Variants in PPP4R1 observed in about 807,000 individuals in gnomAD.
The protein encoded by PPP4R1 is protein phosphatase 4 regulatory subunit 1, also known as serine/threonine-protein phosphatase 4 regulatory subunit 1.
A neutral mutation model predicts 111.2 loss-of-function variants in PPP4R1; 42 were observed. That is an observed-to-expected ratio of 0.38 (90% CI 0.29 to 0.49). PPP4R1 has a LOEUF of 0.49. Among genes scored for constraint, PPP4R1 ranks in the 20% least tolerant of loss-of-function variants. The pLI, the probability that PPP4R1 is intolerant of heterozygous loss-of-function variation, is 0.97. For missense variants in PPP4R1, 1,012 were observed against 1,161.6 expected (o/e 0.87, Z 1.87); for synonymous variants, 409 against 405.5 (o/e 1.01, Z -0.10).
chr18:9,556,030 A>C (rs550059949), intron 15 of PPP4R1, among the ~76,000 whole-genome samples: 9 of 150,722 alleles, frequency 6.0e-5, no homozygotes, highest in Non-Finnish European at 8.9e-5. Context: ...GCTTAGTGGC[A>C]CGCACCTGTA....
At chr18:9,595,242 G>A (rs1262109101) in intron 2 of PPP4R1, 89 bp from the exon 3 acceptor site, 19 of 1,334,334 alleles carry the variant, frequency 1.4e-5, no homozygotes, top group Admixed American at 2.5e-5. Context: ...TCTGTTTCTG[G>A]AATGGTACAA....
chr18:9,614,525 G>C lies in PPP4R1; in HGVS notation c.-41C>G, dbSNP rs1340011689. 6 of 1,012,004 alleles carry C rather than the reference G, an allele frequency of 5.9e-6. No individual in the cohort carries two copies. The highest frequency in any genetic ancestry group is 7.1e-6 in the Non-Finnish European group (6 of 848,666). 62.7% of individuals were successfully genotyped at this position (1,012,004 alleles called of 1,614,324 possible). On this transcript the variant is annotated 5_prime_UTR_variant, in exon 1 of 20. Coordinates refer to ENST00000400556, the MANE Select transcript of PPP4R1 (RefSeq NM_001042388.3). The surrounding 1 kb of genome is among the most constrained non-coding windows in gnomAD (Gnocchi z 4.1). Reference sequence around the variant, plus strand: ...TCCTCCGCGGCCGCCCGGGGAGCCGGGGCTACATGGAGCGGCGCGAGCCGG... The same window carrying C: ...TCCTCCGCGGCCGCCCGGGGAGCCGCGGCTACATGGAGCGGCGCGAGCCGG...
At chr18:9,552,248 C>T (rs2066501255) in intron 16 of PPP4R1, among the ~76,000 whole-genome samples, 1 of 152,156 alleles carries the variant, frequency 6.6e-6, no homozygotes, top group African/African-American at 2.4e-5. Flanking sequence ...CTTGGATAGA[C>T]ATTTCTCCAC....
At chr18:9,584,367 T>C (rs2067080758) in intron 8 of PPP4R1, 148 bp downstream of exon 8, 2 of 590,662 alleles carry the variant, frequency 3.4e-6, no homozygotes, top group Admixed American at 3.8e-5. Context: ...AGATTACAGA[T>C]ATTTAAACTC....
chr18:9,598,366 C>G (rs2067324588), intron 2 of PPP4R1, among the ~76,000 whole-genome samples: 2 of 151,982 alleles, frequency 1.3e-5, no homozygotes, highest in Non-Finnish European at 2.9e-5. Flanking sequence ...AAAAGTATAC[C>G]AAGGCACAAT....
At chr18:9,555,907 T>A (rs529455962) in intron 15 of PPP4R1, among the ~76,000 whole-genome samples, 4 of 151,516 alleles carry the variant, frequency 2.6e-5, no homozygotes, top group Non-Finnish European at 4.4e-5. Context: ...GAGGCCAAGG[T>A]GGGCGGATCA....
intron 2 of PPP4R1, among the ~76,000 whole-genome samples, chr18:9,598,614 ACAT>A (rs2067328955): frequency 2.0e-5 from 3 of 152,274 alleles, no homozygotes; most frequent in South Asian, 4.2e-4. Flanking sequence ...ACAAAAACTG[ACAT>A]CATCAACAGC....
rs1227847886 is a variant in PPP4R1 at position 9,588,125 on chromosome 18, T to C, written c.549A>G (p.Pro183=). Residue 183 remains proline, a synonymous_variant, in exon 6 of 20, where the codon CCA becomes CCG. Coordinates refer to ENST00000400556, the MANE Select transcript of PPP4R1 (RefSeq NM_001042388.3). ...CTGTTTTCACATCATCATTGCTATCTGGGGCTGTCAGCTCTATGAGGACAG... is the reference window on the plus strand; with the variant it reads ...CTGTTTTCACATCATCATTGCTATCCGGGGCTGTCAGCTCTATGAGGACAG... ...VCPVLIELTA[P]DSNDDVKTEA... is the part of the protein sequence containing the mutation. 2.5e-6 allele frequency: 4 copies of C among 1,614,038 alleles called. No homozygotes were observed. The African/African-American group carries it at 4.0e-5, about 16-fold the overall frequency.
intron 2 of PPP4R1, chr18:9,613,783 C>A (rs1041217595): frequency 6.5e-6 from 1 of 152,758 alleles, no homozygotes; most frequent in Non-Finnish European, 1.5e-5. Flanking sequence ...GGCTGACCCC[C>A]GGGCGCTCCT....
chr18:9,557,494 T>C, intron 14 of PPP4R1, 112 bp from the exon 15 acceptor site: 1 of 932,504 alleles, frequency 1.1e-6, no homozygotes, highest in East Asian at 3.0e-5. Context: ...CTCAAAAAAT[T>C]AAATCAGAAT....
chr18:9,597,474 A>G (rs1458795417), intron 2 of PPP4R1, among the ~76,000 whole-genome samples: 1 of 152,218 alleles, frequency 6.6e-6, no homozygotes, highest in Non-Finnish European at 1.5e-5. Flanking sequence ...GAGTATTGAA[A>G]CAGTTTATGT....
intron 2 of PPP4R1, among the ~76,000 whole-genome samples, chr18:9,607,795 T>G (rs1368485525): frequency 6.7e-6 from 1 of 149,858 alleles, no homozygotes; most frequent in Non-Finnish European, 1.5e-5. Context: ...TTTTTTTTTT[T>G]TTTTTTTGGA....
At chr18:9,598,021 G>C (rs567995215) in intron 2 of PPP4R1, among the ~76,000 whole-genome samples, 1 of 152,130 alleles carries the variant, frequency 6.6e-6, no homozygotes, top group East Asian at 1.9e-4. Context: ...ATCTTTTAGA[G>C]ATGAAAAAAA....
Position 9,583,180 on chromosome 18 carries a change from T to C in PPP4R1, c.855A>G (p.Gln285=), listed in dbSNP as rs758817706. 6 of 1,612,416 alleles carry C rather than the reference T, an allele frequency of 3.7e-6. No individual in the cohort carries two copies. The highest frequency in any genetic ancestry group is 5.1e-6 in the Non-Finnish European group (6 of 1,178,782). ...CFMAVSCATC[Q]EIRRTKLSAL... ...CTGATAATTTGGTCCGTCGGATTTC[T>C]TGACATGTTGCACATGAAACCGCCA... is the stretch of plus-strand genomic sequence containing the variant. Residue 285 remains glutamine (Q), a synonymous_variant, in exon 9 of 20, where the codon CAA becomes CAG. Transcript: ENST00000400556.
intron 19 of PPP4R1, among the ~76,000 whole-genome samples, chr18:9,548,329 T>C (rs769058524): frequency 1.3e-5 from 2 of 152,082 alleles, no homozygotes; most frequent in Non-Finnish European, 2.9e-5. Flanking sequence ...TCCTTATTCT[T>C]TGACATCTAC....
At chr18:9,552,160 A>G (rs530281181) in intron 16 of PPP4R1, among the ~76,000 whole-genome samples, 1 of 152,232 alleles carries the variant, frequency 6.6e-6, no homozygotes, top group African/African-American at 2.4e-5. Context: ...GGTGAGGTCT[A>G]TAATCCAGAA....
chr18:9,590,733 T>C (rs2067197211), intron 4 of PPP4R1, among the ~76,000 whole-genome samples: 1 of 151,806 alleles, frequency 6.6e-6, no homozygotes, highest in East Asian at 1.9e-4. Flanking sequence ...ATCACGCACA[T>C]GAATAAATTC....
chr18:9,605,335 G>A (rs957350065), intron 2 of PPP4R1, among the ~76,000 whole-genome samples: 5 of 151,978 alleles, frequency 3.3e-5, no homozygotes, highest in African/African-American at 1.2e-4. Flanking sequence ...AATTAATTCA[G>A]GCAAGAATCA....
intron 2 of PPP4R1, among the ~76,000 whole-genome samples, chr18:9,600,786 T>C (rs989577488): frequency 6.6e-6 from 1 of 151,710 alleles, no homozygotes; most frequent in African/African-American, 2.4e-5. Context: ...GAGCCTGAGG[T>C]GGGGGGATCA....
Sources: gnomAD v4.1 joint callset for allele counts (sites outside exome capture counted in the v4.1 genomes callset) on GRCh38, gnomAD v4.1.1 for gene constraint, Gnocchi (gnomAD v3.1) non-coding constraint, MANE v1.5 for transcripts, NCBI Gene and HGNC (gene_info 2026-07-23, HGNC 2026-07-21) for gene names.